The following DCP1A variants were observed in gnomAD, a reference collection of about 807,000 sequenced individuals.
The protein encoded by DCP1A is mRNA-decapping enzyme 1A.
DCP1A carries 20 observed loss-of-function variants against 58.0 expected under a neutral mutation model. The ratio of observed to expected loss-of-function variants is 0.34; its 90% CI spans 0.24 to 0.50. The LOEUF is 0.50. Among genes scored for constraint, DCP1A ranks in the 20% least tolerant of loss-of-function variants. The pLI is 0.98. For synonymous variants in DCP1A, 285 were observed against 275.1 expected (o/e 1.04, Z -0.36); for missense variants, 613 against 712.2 (o/e 0.86, Z 1.59).
rs191213796 is a variant in DCP1A at position 53,309,195 on chromosome 3, C to T, written c.510+3046G>A. Among the ~76,000 whole-genome samples, 591 of 151,786 alleles carry T rather than the reference C, an allele frequency of 3.9e-3. 5 individuals carry two copies. The highest frequency in any genetic ancestry group is 0.02 in the South Asian group (96 of 4,808). ...GACTATCCTGGCCAACATGGTGAAA[C>T]CCTGTCTCTACTAAAAATACAAAAA... On this transcript the variant is annotated intron_variant, in intron 5 of 9. Transcript: ENST00000610213.
intron 3 of DCP1A, among the ~76,000 whole-genome samples, chr3:53,330,678 C>CAGT (rs1443414448): frequency 1.3e-5 from 2 of 151,846 alleles, no homozygotes; most frequent in African/African-American, 4.8e-5. Flanking sequence ...TATAAGCGCA[C>CAGT]AGTAGTTTTA....
chr3:53,314,667 C>CTTTTTTTTTTTTTT (rs1167830951), intron 4 of DCP1A, among the ~76,000 whole-genome samples: 126 of 86,706 alleles, frequency 1.5e-3, no homozygotes, highest in Non-Finnish European at 2.0e-3. Flanking sequence ...TTTTCTTTTT[C>CTTTTTTTTTTTTTT]TTTTTTTTTT....
intron 4 of DCP1A, among the ~76,000 whole-genome samples, chr3:53,314,136 C>T (rs1273606972): frequency 6.6e-6 from 1 of 152,130 alleles, no homozygotes; most frequent in Non-Finnish European, 1.5e-5. Flanking sequence ...TCAAGCAATC[C>T]TCCCACCTCA....
chr3:53,311,110 T>G (rs558765207), intron 5 of DCP1A, among the ~76,000 whole-genome samples: 1 of 152,178 alleles, frequency 6.6e-6, no homozygotes, highest in Non-Finnish European at 1.5e-5. Flanking sequence ...CAACAGTACC[T>G]TAACTCGTTT....
chr3:53,315,534 CAAAA>C (rs1211486616), intron 4 of DCP1A, among the ~76,000 whole-genome samples: 2 of 65,000 alleles, frequency 3.1e-5, no homozygotes, highest in Admixed American at 2.1e-4. Context: ...GACTCTGTCT[CAAAA>C]AAAAAAAAAA....
At chr3:53,298,376 G>A (rs781972673) in intron 6 of DCP1A, among the ~76,000 whole-genome samples, 18 of 152,164 alleles carry the variant, frequency 1.2e-4, no homozygotes, top group Non-Finnish European at 2.5e-4. Flanking sequence ...TCTCTAGAAT[G>A]GGGAGTATGG....
rs182889590 is a variant in DCP1A, at chr3:53,296,686, G to A, written c.625-3859C>T. 2.1e-3 allele frequency among the ~76,000 whole-genome samples: 317 copies of A among 152,322 alleles called. 2 individuals carry two copies. The highest frequency in any genetic ancestry group is 7.4e-3 in the African/African-American group (307 of 41,564). On this transcript the variant is annotated intron_variant, in intron 6 of 9. Coordinates refer to ENST00000610213, the MANE Select transcript of DCP1A (RefSeq NM_018403.7). Reference sequence around the variant, plus strand: ...GTTGTTGTTTTTAAGGTTCATCCGTGTTCCAACATGTATCAGAACTTCACT... The same window carrying A: ...GTTGTTGTTTTTAAGGTTCATCCGTATTCCAACATGTATCAGAACTTCACT...
intron 2 of DCP1A, 44 bp downstream of exon 2, chr3:53,344,858 C>T (rs1559710635): frequency 7.0e-7 from 1 of 1,422,874 alleles, no homozygotes; most frequent in Non-Finnish European, 9.9e-7. Context: ...ACATTGTTCA[C>T]CACTAGACTG....
intron 6 of DCP1A, among the ~76,000 whole-genome samples, chr3:53,296,198 C>G (rs1707121809): frequency 6.6e-6 from 1 of 152,158 alleles, no homozygotes; most frequent in East Asian, 1.9e-4. Flanking sequence ...CCCGGCCCAC[C>G]ATGTGGTCTT....
Position 53,327,240 on chromosome 3 carries a change from C to T in DCP1A, c.305-7767G>A, listed in dbSNP as rs556670204. ...CACATTTTTCTACCAATTTACTAAT[C>T]GATCATCCACAGCAGGGTTGTAAGC... is the stretch of plus-strand genomic sequence containing the variant. On this transcript the variant is annotated intron_variant, in intron 3 of 9. Transcript: ENST00000610213. 3.2e-3 allele frequency among the ~76,000 whole-genome samples: 480 copies of T among 152,282 alleles called. 3 individuals are homozygous for T. The highest frequency in any genetic ancestry group is 0.011 in the African/African-American group (438 of 41,548).
intron 6 of DCP1A, 138 bp from the exon 7 acceptor site, chr3:53,292,965 A>G: frequency 1.1e-6 from 1 of 879,954 alleles, no homozygotes; most frequent in Non-Finnish European, 1.7e-6. Context: ...AAAACTGAAG[A>G]TATACTAAGG....
In DCP1A at chr3:53,296,873, G is replaced by A. The variant is rs562082581; in HGVS notation, c.625-4046C>T. On this transcript the variant is annotated intron_variant, in intron 6 of 9. Coordinates refer to ENST00000610213, the MANE Select transcript of DCP1A (RefSeq NM_018403.7). Reference sequence around the variant, plus strand: ...TGTGGAAGTATCTGTTTGAATGTCTGTTTTCAATTCTTTTGGGTATATACC... The same window carrying A: ...TGTGGAAGTATCTGTTTGAATGTCTATTTTCAATTCTTTTGGGTATATACC... Among the ~76,000 whole-genome samples, 8 of 152,310 alleles carry A rather than the reference G, an allele frequency of 5.3e-5. No homozygotes were observed. The South Asian group carries it at 1.7e-3, about 32-fold the overall frequency.
At chr3:53,306,254 T>C (rs1553688045) in intron 5 of DCP1A, among the ~76,000 whole-genome samples, 1 of 152,216 alleles carries the variant, frequency 6.6e-6, no homozygotes, top group African/African-American at 2.4e-5. Flanking sequence ...CGGCGGAACA[T>C]TTGGTGAAAG....
At chr3:53,317,328 G>A (rs1329243890) in intron 4 of DCP1A, among the ~76,000 whole-genome samples, 1 of 152,242 alleles carries the variant, frequency 6.6e-6, no homozygotes, top group Admixed American at 6.5e-5. Flanking sequence ...ACCATACCTG[G>A]CTAATTTTGT....
At chr3:53,311,746 A>G (rs1189505374) in intron 5 of DCP1A, among the ~76,000 whole-genome samples, 3 of 152,202 alleles carry the variant, frequency 2.0e-5, no homozygotes, top group Non-Finnish European at 4.4e-5. Context: ...ATCCTAACAG[A>G]AACTGCAGTG....
intron 3 of DCP1A, among the ~76,000 whole-genome samples, chr3:53,337,020 C>A (rs1181922676): frequency 6.6e-6 from 1 of 152,054 alleles, no homozygotes; most frequent in East Asian, 1.9e-4. Flanking sequence ...CAGGCGTGCA[C>A]CACCATGTCC....
chr3:53,329,506 TA>T, intron 3 of DCP1A: 1 of 396,446 alleles, frequency 2.5e-6, no homozygotes, highest in Non-Finnish European at 4.4e-6. Context: ...ACTTAAGAGG[TA>T]ATTGTCTTTT....
Position 53,304,171 on chromosome 3 carries a change from A to G in DCP1A, c.624+6T>C, listed in dbSNP as rs1553687682. 6.2e-7 allele frequency: 1 copy of G among 1,601,712 alleles called. No individual in the cohort carries two copies. On this transcript the variant is annotated splice_donor_region_variant and intron_variant, in intron 6 of 9. Coordinates refer to ENST00000610213, the MANE Select transcript of DCP1A (RefSeq NM_018403.7). Reference sequence around the variant, plus strand: ...AGGACAAAGCTAGAGCTTTAGCTGTACAAACCTTATCCTGTGACCCGGAGG... The same window carrying G: ...AGGACAAAGCTAGAGCTTTAGCTGTGCAAACCTTATCCTGTGACCCGGAGG...
intron 5 of DCP1A, 31 bp downstream of exon 5, chr3:53,312,210 G>C (rs782725521): frequency 8.4e-6 from 13 of 1,549,354 alleles, no homozygotes; most frequent in Non-Finnish European, 8.7e-7. Context: ...GGTCTTCCCT[G>C]GTCAGCACCC....
Sources: gnomAD v4.1 joint callset for allele counts (sites outside exome capture counted in the v4.1 genomes callset) on GRCh38, gnomAD v4.1.1 for gene constraint, MANE v1.5 for transcripts, NCBI Gene and HGNC (gene_info 2026-07-23, HGNC 2026-07-21) for gene names.